TTC17: variants seen among roughly 807,000 people sequenced by gnomAD.
The protein encoded by TTC17 is tetratricopeptide repeat domain 17.
In TTC17, 58 loss-of-function variants were observed where a neutral mutation model predicts 143.8. The observed-to-expected ratio is 0.40, with a 90% confidence interval of 0.33 to 0.50. The LOEUF (loss-of-function observed/expected upper bound fraction) is 0.50, where lower values mean the gene tolerates loss of function less well. Among genes scored for constraint, TTC17 ranks in the 20% least tolerant of loss-of-function variants. TTC17 has a pLI of 0.49. For missense variants in TTC17, 1,273 were observed against 1,392.5 expected, an observed-to-expected ratio of 0.91 and a Z score of 1.37; for synonymous variants, 501 against 497.8, an observed-to-expected ratio of 1.01 and a Z score of -0.09.
intron 21 of TTC17, among the ~76,000 whole-genome samples, chr11:43,469,991 A>C (rs773918418): frequency 2.0e-5 from 3 of 152,232 alleles, no homozygotes; most frequent in Non-Finnish European, 4.4e-5. Context: ...AGCCACAGAA[A>C]GGGTAAATGT....
At chr11:43,435,455 A>G (rs142997574) in intron 16 of TTC17, 1 of 152,344 alleles carries the variant, frequency 6.6e-6, no homozygotes, top group African/African-American at 2.4e-5. Context: ...ACCATCAGGT[A>G]TAGCTGAATA....
At chr11:43,434,209 ACACACACACACACACACACACACT>A (rs1042145947) in intron 16 of TTC17, among the ~76,000 whole-genome samples, 8 of 120,596 alleles carry the variant, frequency 6.6e-5, no homozygotes, top group African/African-American at 2.7e-4. Flanking sequence ...ACACACACAC[ACACACACACACACACACACACACT>A]CTCATGGCCT....
At chr11:43,485,215 C>T (rs1948359209) in intron 21 of TTC17, among the ~76,000 whole-genome samples, 1 of 152,100 alleles carries the variant, frequency 6.6e-6, no homozygotes, top group South Asian at 2.1e-4. Flanking sequence ...TTGGGGACCT[C>T]TGCTCTAACA....
chr11:43,413,370 TAAAAC>T (rs1946700628), intron 15 of TTC17, among the ~76,000 whole-genome samples: 1 of 152,120 alleles, frequency 6.6e-6, no homozygotes. Context: ...ATATGAAAGA[TAAAAC>T]AATAAGCCTT....
intron 17 of TTC17, 99 bp from the exon 18 acceptor site, chr11:43,443,957 C>G: frequency 1.5e-6 from 2 of 1,368,574 alleles, no homozygotes; most frequent in African/African-American, 2.9e-5. Flanking sequence ...AGAACTTAAC[C>G]TGAGCACAGT....
intron 12 of TTC17, 71 bp downstream of exon 12, chr11:43,405,700 C>G: frequency 1.9e-6 from 3 of 1,610,870 alleles, no homozygotes; most frequent in Middle Eastern, 1.7e-4. Context: ...TTGAGAGCAC[C>G]AGCCTTGGAC....
intron 2 of TTC17, among the ~76,000 whole-genome samples, chr11:43,381,133 C>A (rs1856952500): frequency 6.6e-6 from 1 of 152,110 alleles, no homozygotes; most frequent in South Asian, 2.1e-4. Flanking sequence ...ATTGACTCCA[C>A]CAATTTTTGG....
chr11:43,463,424 T>G (rs1404400243), intron 21 of TTC17, among the ~76,000 whole-genome samples: 4 of 151,302 alleles, frequency 2.6e-5, no homozygotes, highest in Admixed American at 1.3e-4. Flanking sequence ...AATAAAAATA[T>G]CATACAAAAA....
At chr11:43,444,902 GCA>G (rs1299753540) in intron 18 of TTC17, among the ~76,000 whole-genome samples, 20 of 152,152 alleles carry the variant, frequency 1.3e-4, no homozygotes, top group African/African-American at 4.6e-4. Context: ...GAATTTTGCG[GCA>G]GTCTGACTAG....
At chr11:43,452,334 T>C (rs947137433) in intron 21 of TTC17, among the ~76,000 whole-genome samples, 1 of 151,930 alleles carries the variant, frequency 6.6e-6, no homozygotes, top group Non-Finnish European at 1.5e-5. Context: ...ACCCCATCTC[T>C]ACTAAAAATA....
intron 22 of TTC17, 90 bp from the exon 23 acceptor site, chr11:43,491,930 A>G: frequency 1.3e-6 from 2 of 1,536,132 alleles, no homozygotes; most frequent in Non-Finnish European, 8.9e-7. Flanking sequence ...TCACCAGGAA[A>G]CACAGACTGT....
intron 16 of TTC17, among the ~76,000 whole-genome samples, chr11:43,433,352 A>C (rs1026231920): frequency 3.3e-5 from 5 of 152,066 alleles, no homozygotes; most frequent in Admixed American, 6.6e-5. Context: ...TCACAATTCT[A>C]CTCTTAAAGC....
Position 43,388,183 on chromosome 11 carries a change from A to G in TTC17, c.250-1469A>G, listed in dbSNP as rs72900918. ...AGTTTTTCTTAAAGAAGCAACATAA[A>G]TGTTTACAGGAAAATGGATAAATAC... On this transcript the variant is annotated intron_variant, in intron 2 of 23. Coordinates refer to ENST00000039989, the MANE Select transcript of TTC17 (RefSeq NM_018259.6). Among the ~76,000 whole-genome samples, 1,175 of 152,290 alleles carry G rather than the reference A, an allele frequency of 7.7e-3. 10 individuals are homozygous for G. The highest frequency in any genetic ancestry group is 0.041 in the Middle Eastern group (12 of 294).
chr11:43,450,333 T>TA (rs1269265158), intron 20 of TTC17, 92 bp downstream of exon 20: 726 of 1,334,022 alleles, frequency 5.4e-4, no homozygotes, highest in Middle Eastern at 1.3e-3. Context: ...CCGGGCCTTT[T>TA]AAAAAAAAAT....
Position 43,440,868 on chromosome 11 carries a change from T to G in TTC17, c.2252-2457T>G, listed in dbSNP as rs76932759. 6.2e-3 allele frequency among the ~76,000 whole-genome samples: 939 copies of G among 152,256 alleles called. 14 individuals carry two copies. Among genetic ancestry groups the G allele is most frequent in the African/African-American group, 0.021 (886 of 41,518 alleles). On this transcript the variant is annotated intron_variant, in intron 16 of 23. Transcript: ENST00000039989. ...ACTATCCCCTGTATACATTCTTTAT[T>G]CTAATTAATTTGAAATTGGTAATGC...
intron 16 of TTC17, among the ~76,000 whole-genome samples, chr11:43,440,160 A>G (rs1947384645): frequency 6.6e-6 from 1 of 152,232 alleles, no homozygotes; most frequent in African/African-American, 2.4e-5. Flanking sequence ...TCAGCTGTAT[A>G]GGACAGTTGT....
intron 21 of TTC17, among the ~76,000 whole-genome samples, chr11:43,483,106 A>C (rs1948317589): frequency 1.3e-5 from 2 of 152,116 alleles, no homozygotes; most frequent in South Asian, 4.1e-4. Context: ...TTCTTAGAAA[A>C]ATGTAATGTA....
rs1173974762 is a variant in TTC17, at chr11:43,358,949, G to C, written c.-6G>C. 1 of 1,571,832 alleles carries C rather than the reference G, an allele frequency of 6.4e-7. No homozygotes were observed. The highest frequency in any genetic ancestry group is 1.8e-5 in the Admixed American group (1 of 55,414). On this transcript the variant is annotated 5_prime_UTR_variant, in exon 1 of 24. Transcript: ENST00000039989. ...CCGGTGTGAGCGGCCCGGCCGGGGG[G>C]GCAAGATGGCGGCGGCAGTAGGGGT...
intron 5 of TTC17, among the ~76,000 whole-genome samples, chr11:43,394,120 T>C (rs184134667): frequency 5.3e-5 from 8 of 152,188 alleles, no homozygotes; most frequent in Non-Finnish European, 8.8e-5. Context: ...CTTGAACATA[T>C]GAACTTTGAG....
Sources: allele counts gnomAD v4.1 joint callset (sites outside exome capture counted in the v4.1 genomes callset), GRCh38; gene constraint gnomAD v4.1.1; transcripts MANE v1.5; gene names NCBI Gene and HGNC (gene_info 2026-07-23, HGNC 2026-07-21).